ECHDC1: variants seen among roughly 807,000 people sequenced by gnomAD.
The protein encoded by ECHDC1 is ethylmalonyl-CoA decarboxylase.
In ECHDC1, 29 loss-of-function variants were observed where a neutral mutation model predicts 29.7. That is an observed-to-expected ratio of 0.98 (90% CI 0.73 to 1.33). ECHDC1 has a LOEUF of 1.33. Ranked by LOEUF, ECHDC1 falls within the 40% of genes most tolerant of loss-of-function variation. The probability of loss-of-function intolerance (pLI) is 0.00; values close to 1 mark genes in which losing one functional copy is unlikely to be tolerated. For missense variants in ECHDC1, 328 were observed against 350.0 expected, an observed-to-expected ratio of 0.94 and a Z score of 0.50; for synonymous variants, 126 against 123.1, an observed-to-expected ratio of 1.02 and a Z score of -0.15.
intron 5 of ECHDC1, among the ~76,000 whole-genome samples, chr6:127,299,148 T>A (rs1247497041): frequency 6.6e-6 from 1 of 152,186 alleles, no homozygotes; most frequent in Non-Finnish European, 1.5e-5. Context: ...ATTGCAGGCA[T>A]AAGCCACCAC....
intron 2 of ECHDC1, among the ~76,000 whole-genome samples, chr6:127,328,316 A>G (rs75258130): frequency 0.025 from 3,797 of 152,298 alleles, 66 homozygotes; most frequent in East Asian, 0.1. Flanking sequence ...CCTAGTAACC[A>G]TCATAGCCAT....
chr6:127,328,802 A>G (rs1405648178), intron 2 of ECHDC1, among the ~76,000 whole-genome samples: 1 of 152,260 alleles, frequency 6.6e-6, no homozygotes, highest in East Asian at 1.9e-4. Flanking sequence ...CAAGGCGGGC[A>G]GATCACGAGG....
chr6:127,321,352 T>A (rs974407673), intron 3 of ECHDC1, among the ~76,000 whole-genome samples: 6 of 152,188 alleles, frequency 3.9e-5, no homozygotes, highest in Non-Finnish European at 8.8e-5. Context: ...GTAGATGCAT[T>A]TATATGTTGC....
At position 127,330,890 on chromosome 6, in the gene ECHDC1, C is replaced by T; in HGVS notation, c.139G>A (p.Gly47Arg). ...TCTTCCTTCTGAAGGTCAATGGATCCACCAGGAAACTGCTGAAGTGTTTTT... is the reference window on the plus strand; with the variant it reads ...TCTTCCTTCTGAAGGTCAATGGATCTACCAGGAAACTGCTGAAGTGTTTTT... The part of the protein sequence containing the change: ...VKKTLQQFPG[G>R]SIDLQKEDNG... Residue 47 changes from glycine to arginine, a missense_variant, in exon 2 of 6, where the codon GGA becomes AGA. Transcript: ENST00000454859. 1.2e-6 allele frequency: 2 copies of T among 1,614,072 alleles called. No homozygotes were observed. Among genetic ancestry groups the T allele is most frequent in the Non-Finnish European group, 1.7e-6 (2 of 1,180,014 alleles).
chr6:127,293,112 T>C (rs1449744840), intron 5 of ECHDC1, among the ~76,000 whole-genome samples: 1 of 152,120 alleles, frequency 6.6e-6, no homozygotes, highest in Non-Finnish European at 1.5e-5. Context: ...TGACAGGTGA[T>C]ACAAAGTCAA....
chr6:127,320,120 T>C (rs1304270305), intron 3 of ECHDC1, among the ~76,000 whole-genome samples: 1 of 152,024 alleles, frequency 6.6e-6, no homozygotes, highest in Non-Finnish European at 1.5e-5. Context: ...TGGGTTCAAG[T>C]GATTCTCCTG....
At chr6:127,298,179 G>A (rs1367715698) in intron 5 of ECHDC1, among the ~76,000 whole-genome samples, 1 of 152,090 alleles carries the variant, frequency 6.6e-6, no homozygotes, top group African/African-American at 2.4e-5. Flanking sequence ...ATGGCACAGG[G>A]AAATTATTTG....
At chr6:127,338,886 C>T (rs1022740269) in intron 1 of ECHDC1, among the ~76,000 whole-genome samples, 9 of 152,066 alleles carry the variant, frequency 5.9e-5, no homozygotes, top group African/African-American at 9.7e-5. Flanking sequence ...TTTCAAAATA[C>T]GGGTATGTTC....
intron 5 of ECHDC1, among the ~76,000 whole-genome samples, chr6:127,306,035 A>G (rs2114590153): frequency 6.6e-6 from 1 of 152,020 alleles, no homozygotes; most frequent in East Asian, 1.9e-4. Flanking sequence ...AAAAAAGACC[A>G]AATGATCTGT....
chr6:127,341,168 GTC>G (rs373314755), intron 1 of ECHDC1, among the ~76,000 whole-genome samples: 1 of 151,728 alleles, frequency 6.6e-6, no homozygotes, highest in Non-Finnish European at 1.5e-5. Context: ...TCCCACTACT[GTC>G]TCTCCTTTTC....
chr6:127,319,031 T>C (rs562426286), intron 3 of ECHDC1, among the ~76,000 whole-genome samples: 1 of 152,384 alleles, frequency 6.6e-6, no homozygotes, highest in Non-Finnish European at 1.5e-5. Context: ...TTGCTCTTGC[T>C]ACATTTAGAT....
chr6:127,295,073 C>G (rs908344133), intron 5 of ECHDC1, among the ~76,000 whole-genome samples: 4 of 151,788 alleles, frequency 2.6e-5, no homozygotes, highest in Non-Finnish European at 5.9e-5. Flanking sequence ...CTCAGCCTCC[C>G]AAGTAGCTGG....
At chr6:127,315,982 C>A in intron 4 of ECHDC1, 1 of 470,706 alleles carries the variant, frequency 2.1e-6, no homozygotes, top group Non-Finnish European at 4.4e-6. Flanking sequence ...TACCTAGGTG[C>A]AAAGTCAATT....
At chr6:127,343,135 C>A (rs1785106341) in intron 1 of ECHDC1, 1 of 152,170 alleles carries the variant, frequency 6.6e-6, no homozygotes, top group Non-Finnish European at 1.5e-5. Flanking sequence ...GCCCGTGGCG[C>A]TCGGCACCGC....
chr6:127,304,583 G>C lies in ECHDC1; in HGVS notation c.497+10233C>G, dbSNP rs144367448. On this transcript the variant is annotated intron_variant, in intron 5 of 5. Transcript: ENST00000454859. ...GCACCACAGACCAATACTGGAAAAA[G>C]AGATACGTGACTTTTCAGACAGAGA... Among the ~76,000 whole-genome samples the C allele has an allele frequency of 3.6e-4, 55 of 152,280 alleles. No homozygotes were observed. In the East Asian group the frequency reaches 9.5e-3, roughly 26 times the overall value.
intron 1 of ECHDC1, among the ~76,000 whole-genome samples, chr6:127,341,253 A>AC (rs1321870662): frequency 2.0e-5 from 3 of 152,138 alleles, no homozygotes; most frequent in Non-Finnish European, 1.5e-5. Context: ...AGATTCACTG[A>AC]CCCCAAGTTT....
chr6:127,295,651 T>C (rs1250643047), intron 5 of ECHDC1, among the ~76,000 whole-genome samples: 1 of 152,234 alleles, frequency 6.6e-6, no homozygotes, highest in African/African-American at 2.4e-5. Flanking sequence ...TAGACACTTA[T>C]TTTCTGCTGG....
intron 1 of ECHDC1, among the ~76,000 whole-genome samples, chr6:127,335,209 G>A (rs181644561): frequency 5.9e-5 from 9 of 152,214 alleles, no homozygotes; most frequent in African/African-American, 1.9e-4. Context: ...TTTTACCAAA[G>A]TGTTTCCAAT....
At chr6:127,332,837 G>A (rs2114690342) in intron 1 of ECHDC1, among the ~76,000 whole-genome samples, 1 of 74,850 alleles carries the variant, frequency 1.3e-5, no homozygotes, top group Non-Finnish European at 3.1e-5. Flanking sequence ...TGTTGCCCAG[G>A]CTGTAATGCA....
Sources: gnomAD v4.1 joint callset for allele counts (sites outside exome capture counted in the v4.1 genomes callset) on GRCh38, gnomAD v4.1.1 for gene constraint, MANE v1.5 for transcripts, NCBI Gene and HGNC (gene_info 2026-07-23, HGNC 2026-07-21) for gene names.